The following DGKB variants were observed in gnomAD, a reference collection of about 807,000 sequenced individuals.
The protein encoded by DGKB is 90 kDa diacylglycerol kinase.
DGKB carries 67 observed loss-of-function variants against 114.3 expected under a neutral mutation model. The ratio of observed to expected loss-of-function variants is 0.59; its 90% CI spans 0.48 to 0.72. DGKB has a LOEUF of 0.72. Ranked by LOEUF, DGKB falls within the 30% of genes least tolerant of loss-of-function variation. The pLI, the probability that DGKB is intolerant of heterozygous loss-of-function variation, is 0.00. For synonymous variants in DGKB, 398 were observed against 323.1 expected (o/e 1.23, Z -2.49); for missense variants, 907 against 975.2 (o/e 0.93, Z 0.93).
chr7:14,454,531 T>C (rs1832000232), intron 21 of DGKB, among the ~76,000 whole-genome samples: 2 of 152,132 alleles, frequency 1.3e-5, no homozygotes, highest in African/African-American at 4.8e-5. Context: ...ATAATATGGC[T>C]TTTAAATCTA....
chr7:14,812,319 A>T (rs905560641), intron 2 of DGKB, among the ~76,000 whole-genome samples: 1 of 151,700 alleles, frequency 6.6e-6, no homozygotes, highest in Non-Finnish European at 1.5e-5. Flanking sequence ...GGGCCCAGTT[A>T]TTTTTCATGC....
chr7:14,701,739 A>C lies in DGKB; in HGVS notation c.467-9T>G. ...ATAAAGGCGAAACATAACTAGAATG[A>C]AAGAGGTGTTGAAAACAAGATTATA... On this transcript the variant is annotated splice_polypyrimidine_tract_variant and intron_variant, in intron 6 of 25. Coordinates refer to ENST00000402815, the MANE Select transcript of DGKB (RefSeq NM_001350709.2). The C allele has an allele frequency of 3.1e-6, 5 of 1,600,064 alleles. No homozygotes were observed. The highest frequency in any genetic ancestry group is 4.3e-6 in the Non-Finnish European group (5 of 1,167,408).
At chr7:14,679,702 G>A (rs1360671570) in intron 12 of DGKB, among the ~76,000 whole-genome samples, 2 of 151,978 alleles carry the variant, frequency 1.3e-5, no homozygotes, top group East Asian at 3.9e-4. Context: ...TCTGGAAAGT[G>A]TAAGAGCAAA....
chr7:14,791,903 C>A (rs1019187480), intron 2 of DGKB, among the ~76,000 whole-genome samples: 7 of 151,906 alleles, frequency 4.6e-5, no homozygotes, highest in Non-Finnish European at 7.4e-5. Context: ...TCATTGTGTT[C>A]ATGAGGGATG....
chr7:14,598,414 A>T (rs891051950), intron 17 of DGKB, among the ~76,000 whole-genome samples: 6 of 152,252 alleles, frequency 3.9e-5, no homozygotes, highest in Non-Finnish European at 8.8e-5. Context: ...TGATATGCAA[A>T]GGGACTTTCT....
intron 4 of DGKB, among the ~76,000 whole-genome samples, chr7:14,753,078 A>G (rs535134154): frequency 6.6e-6 from 1 of 152,314 alleles, no homozygotes; most frequent in Admixed American, 6.5e-5. Context: ...TCTGTATCTA[A>G]GTCCACCAGT....
intron 4 of DGKB, among the ~76,000 whole-genome samples, chr7:14,747,530 T>A (rs1287621548): frequency 2.0e-5 from 3 of 152,194 alleles, no homozygotes; most frequent in Admixed American, 6.5e-5. Flanking sequence ...GATAAATGGA[T>A]GATATCTTCA....
intron 2 of DGKB, among the ~76,000 whole-genome samples, chr7:14,794,373 T>A (rs1079946): frequency 0.43 from 64,640 of 151,940 alleles, 16,165 homozygotes; most frequent in African/African-American, 0.7. Context: ...ATATCTGCAT[T>A]GGATACTCCT....
chr7:14,615,816 T>C (rs1806403425), intron 15 of DGKB, among the ~76,000 whole-genome samples: 1 of 151,728 alleles, frequency 6.6e-6, no homozygotes, highest in African/African-American at 2.4e-5. Context: ...TTTCAATTAG[T>C]TAATTTGATC....
At chr7:14,744,969 G>C (rs530580924) in intron 4 of DGKB, among the ~76,000 whole-genome samples, 1 of 152,314 alleles carries the variant, frequency 6.6e-6, no homozygotes, top group South Asian at 2.1e-4. Context: ...ATTCTGAGCA[G>C]TTATCCTGCT....
intron 15 of DGKB, among the ~76,000 whole-genome samples, chr7:14,615,384 T>C (rs1268151873): frequency 1.3e-5 from 2 of 151,924 alleles, no homozygotes; most frequent in Non-Finnish European, 2.9e-5. Flanking sequence ...CTCAGAGATA[T>C]TTAATTGTGA....
chr7:14,487,583 CTTT>C (rs11433526), intron 20 of DGKB, among the ~76,000 whole-genome samples: 15 of 125,896 alleles, frequency 1.2e-4, no homozygotes, highest in Non-Finnish European at 1.3e-4. Context: ...AAGAAAATTC[CTTT>C]TTTTTTTTTT....
At chr7:14,798,304 A>G (rs143684140) in intron 2 of DGKB, among the ~76,000 whole-genome samples, 1 of 152,222 alleles carries the variant, frequency 6.6e-6, no homozygotes, top group Non-Finnish European at 1.5e-5. Context: ...TCTGTTTCCT[A>G]TCGCTATCAA....
chr7:14,700,464 T>C (rs139211865), intron 7 of DGKB, among the ~76,000 whole-genome samples: 89 of 152,222 alleles, frequency 5.8e-4, no homozygotes, highest in African/African-American at 1.9e-3. Flanking sequence ...CGCCTGCCCG[T>C]CTTGGCATCC....
chr7:14,321,347 A>G (rs1409337201), intron 23 of DGKB, among the ~76,000 whole-genome samples: 1 of 152,206 alleles, frequency 6.6e-6, no homozygotes. Context: ...AATAAAAAGT[A>G]TGATTCTCTC....
At chr7:14,858,547 G>A (rs1352830013) in intron 1 of DGKB, among the ~76,000 whole-genome samples, 2 of 152,174 alleles carry the variant, frequency 1.3e-5, no homozygotes, top group East Asian at 3.9e-4. Context: ...GAACAAACAA[G>A]ATTTGTTAAG....
At chr7:14,419,144 A>C (rs1273825934) in intron 21 of DGKB, among the ~76,000 whole-genome samples, 1 of 151,932 alleles carries the variant, frequency 6.6e-6, no homozygotes, top group East Asian at 1.9e-4. Flanking sequence ...ATTATAATTT[A>C]TTTTATTCAA....
At chr7:14,653,945 G>A (rs968438769) in intron 13 of DGKB, among the ~76,000 whole-genome samples, 1 of 151,866 alleles carries the variant, frequency 6.6e-6, no homozygotes, top group Non-Finnish European at 1.5e-5. Context: ...ACAGAGAAAA[G>A]CTTAAAGCAT....
At chr7:14,885,585 C>T (rs970794783) in intron 1 of DGKB, among the ~76,000 whole-genome samples, 8 of 151,790 alleles carry the variant, frequency 5.3e-5, no homozygotes, top group Admixed American at 2.6e-4. Context: ...CTTCATTAAG[C>T]GATTAAACGT....
Sources: gnomAD v4.1 joint callset for allele counts (sites outside exome capture counted in the v4.1 genomes callset) on GRCh38, gnomAD v4.1.1 for gene constraint, MANE v1.5 for transcripts, NCBI Gene and HGNC (gene_info 2026-07-23, HGNC 2026-07-21) for gene names.